GALNTL6: variants seen among roughly 807,000 people sequenced by gnomAD.
The protein encoded by GALNTL6 is polypeptide N-acetylgalactosaminyltransferase like 6.
In GALNTL6, 46 loss-of-function variants were observed where a neutral mutation model predicts 73.7. The ratio of observed to expected loss-of-function variants is 0.62; its 90% CI spans 0.49 to 0.80. The LOEUF (loss-of-function observed/expected upper bound fraction) is 0.80. Ranked by LOEUF, GALNTL6 falls within the 30% of genes least tolerant of loss-of-function variation. The pLI is 0.00. For missense variants in GALNTL6, 604 were observed against 755.0 expected, an observed-to-expected ratio of 0.80 and a Z score of 2.34; for synonymous variants, 259 against 263.7, an observed-to-expected ratio of 0.98 and a Z score of 0.17.
chr4:172,282,512 A>G (rs1475415179), intron 3 of GALNTL6, among the ~76,000 whole-genome samples: 1 of 152,192 alleles, frequency 6.6e-6, no homozygotes, highest in Middle Eastern at 3.2e-3. Context: ...ATAGGTAAAC[A>G]TCCTGAGGTA....
At chr4:172,568,619 G>A (rs1012414408) in intron 5 of GALNTL6, among the ~76,000 whole-genome samples, 25 of 151,448 alleles carry the variant, frequency 1.7e-4, no homozygotes, top group African/African-American at 5.3e-4. Context: ...TTAGCCGGGC[G>A]TGATGGTGGG....
chr4:172,958,185 T>C (rs993303581), intron 10 of GALNTL6, among the ~76,000 whole-genome samples: 1 of 151,936 alleles, frequency 6.6e-6, no homozygotes, highest in African/African-American at 2.4e-5. Flanking sequence ...AGAGAATGAG[T>C]TGAGCATAGT....
chr4:172,585,626 C>T (rs1345479064), intron 5 of GALNTL6, among the ~76,000 whole-genome samples: 3 of 152,134 alleles, frequency 2.0e-5, no homozygotes, highest in Non-Finnish European at 2.9e-5. Context: ...ATGGTGTATA[C>T]GTGCCACATT....
rs1319620270 is a variant in GALNTL6 at position 172,069,673 on chromosome 4, A to T, written c.139-159983A>T. Among the ~76,000 whole-genome samples, 2 of 97,996 alleles carry T rather than the reference A, an allele frequency of 2.0e-5. 1 individual carries two copies. Among genetic ancestry groups the T allele is most frequent in the African/African-American group, 8.0e-5 (2 of 24,998 alleles). The allele number at this position is 97,996 out of a possible 152,430, so 64.3% of individuals were successfully genotyped here. A position where few individuals can be genotyped will look rare whatever the true frequency, so the allele number is the denominator to read the frequency against. On this transcript the variant is annotated intron_variant, in intron 2 of 12. Coordinates refer to ENST00000506823, the MANE Select transcript of GALNTL6 (RefSeq NM_001034845.3). ...CATAGTATCTGACAACATATGTGTA[A>T]TTTCTGCAGGAACAAGTAAGCCATA... is the stretch of plus-strand genomic sequence containing the variant.
At chr4:172,480,910 G>A (rs1254153562) in intron 5 of GALNTL6, among the ~76,000 whole-genome samples, 1 of 152,134 alleles carries the variant, frequency 6.6e-6, no homozygotes, top group Admixed American at 6.5e-5. Flanking sequence ...AAGGATCAAA[G>A]CACACAATGC....
At chr4:172,730,543 T>G (rs1428873470) in intron 5 of GALNTL6, among the ~76,000 whole-genome samples, 1 of 152,264 alleles carries the variant, frequency 6.6e-6, no homozygotes, top group Non-Finnish European at 1.5e-5. Flanking sequence ...AATTTGCATA[T>G]GTTGAAACAT....
chr4:172,610,789 G>A (rs1579240915), intron 5 of GALNTL6, among the ~76,000 whole-genome samples: 1 of 152,010 alleles, frequency 6.6e-6, no homozygotes, highest in South Asian at 2.1e-4. Flanking sequence ...ATGAGGTGGT[G>A]AAGTCTCCCA....
intron 2 of GALNTL6, among the ~76,000 whole-genome samples, chr4:172,034,488 AC>A (rs1741876209): frequency 1.3e-5 from 2 of 151,602 alleles, no homozygotes; most frequent in Admixed American, 6.6e-5. Context: ...ATCTTGAAAC[AC>A]AAATGAGAAT....
chr4:172,715,751 G>A (rs753131842), intron 5 of GALNTL6, among the ~76,000 whole-genome samples: 4 of 152,134 alleles, frequency 2.6e-5, no homozygotes, highest in Admixed American at 1.3e-4. Flanking sequence ...AAATGGTCCT[G>A]TTTGTAGTTG....
At chr4:172,992,063 G>A (rs1044836210) in intron 10 of GALNTL6, among the ~76,000 whole-genome samples, 4 of 152,196 alleles carry the variant, frequency 2.6e-5, no homozygotes, top group Non-Finnish European at 5.9e-5. Flanking sequence ...AACCCTCTAA[G>A]CTAGACCCAA....
chr4:172,314,445 T>G (rs1416508292), intron 4 of GALNTL6, among the ~76,000 whole-genome samples: 1 of 152,124 alleles, frequency 6.6e-6, no homozygotes, highest in Admixed American at 6.6e-5. Flanking sequence ...AAACTATTGG[T>G]CACTCCCTGT....
At chr4:172,786,662 C>T (rs1291732398) in intron 5 of GALNTL6, among the ~76,000 whole-genome samples, 1 of 152,024 alleles carries the variant, frequency 6.6e-6, no homozygotes, top group Non-Finnish European at 1.5e-5. Flanking sequence ...GACTGATTCA[C>T]CAAGAAACAA....
At chr4:171,918,938 C>A (rs946995181) in intron 2 of GALNTL6, among the ~76,000 whole-genome samples, 1 of 151,936 alleles carries the variant, frequency 6.6e-6, no homozygotes, top group Non-Finnish European at 1.5e-5. Flanking sequence ...CTGAAATAGT[C>A]AAATCTATAG....
intron 8 of GALNTL6, among the ~76,000 whole-genome samples, chr4:172,927,060 C>T (rs984295373): frequency 1.3e-5 from 2 of 152,146 alleles, no homozygotes; most frequent in Non-Finnish European, 1.5e-5. Context: ...TCAGCAACCC[C>T]GTCCCCATCC....
rs190534077 is a variant in GALNTL6 at position 172,249,807 on chromosome 4, G to A, written c.247+20043G>A. Among the ~76,000 whole-genome samples the A allele has an allele frequency of 1.1e-4, 17 of 152,272 alleles. No homozygotes were observed. The East Asian group carries it at 3.3e-3, about 30-fold the overall frequency. ...ATTGAGGTTTGGAAACCTTCACCTA[G>A]ATTTCATAGGATGTATGGAAACACC... On this transcript the variant is annotated intron_variant, in intron 3 of 12. Coordinates refer to ENST00000506823, the MANE Select transcript of GALNTL6 (RefSeq NM_001034845.3).
At chr4:171,899,903 C>G (rs539068373) in intron 2 of GALNTL6, among the ~76,000 whole-genome samples, 2 of 152,116 alleles carry the variant, frequency 1.3e-5, no homozygotes, top group Non-Finnish European at 2.9e-5. Context: ...AAGTCATTCC[C>G]TTCCACACCC....
intron 5 of GALNTL6, among the ~76,000 whole-genome samples, chr4:172,445,594 A>G (rs999020070): frequency 2.6e-5 from 4 of 152,168 alleles, no homozygotes; most frequent in African/African-American, 9.6e-5. Context: ...TTATTCTTTT[A>G]TGAGCCTTCT....
intron 5 of GALNTL6, among the ~76,000 whole-genome samples, chr4:172,516,434 T>A (rs1359998558): frequency 1.3e-5 from 2 of 152,204 alleles, no homozygotes; most frequent in Non-Finnish European, 2.9e-5. Flanking sequence ...ATTCAATTAT[T>A]CAAATAAAGG....
chr4:172,497,049 G>A (rs1393768606), intron 5 of GALNTL6, among the ~76,000 whole-genome samples: 2 of 152,090 alleles, frequency 1.3e-5, no homozygotes, highest in African/African-American at 4.8e-5. Context: ...AAAAAATAAA[G>A]TGCCTTTCAA....
Sources: gnomAD v4.1 joint callset for allele counts (sites outside exome capture counted in the v4.1 genomes callset) on GRCh38, gnomAD v4.1.1 for gene constraint, MANE v1.5 for transcripts, NCBI Gene and HGNC (gene_info 2026-07-23, HGNC 2026-07-21) for gene names.